LUZP2: variants seen among roughly 807,000 people sequenced by gnomAD.
The protein encoded by LUZP2 is leucine zipper protein 2.
Under a neutral mutation model 51.6 loss-of-function variants are expected in LUZP2, and 52 were observed. The ratio of observed to expected loss-of-function variants is 1.01; its 90% CI spans 0.81 to 1.27. LUZP2 has a LOEUF of 1.27. Ranked by LOEUF, LUZP2 falls within the 50% of genes most tolerant of loss-of-function variation. The pLI is 0.00. For missense variants in LUZP2, 436 were observed against 395.4 expected (o/e 1.10, Z -0.87); for synonymous variants, 154 against 137.3 (o/e 1.12, Z -0.85).
rs557575353 is a variant in LUZP2, at chr11:24,519,602, G to A, written c.62+22297G>A. ...TGAAAAGTCCTTGGGAAAGGGTTTC[G>A]CCTTTCATCCAGGATACAGCTTCAG... On this transcript the variant is annotated intron_variant, in intron 1 of 11. Coordinates refer to ENST00000336930, the MANE Select transcript of LUZP2 (RefSeq NM_001009909.4). Among the ~76,000 whole-genome samples the A allele has an allele frequency of 5.5e-4, 83 of 152,210 alleles. 1 individual carries two copies. Among genetic ancestry groups the A allele is most frequent in the African/African-American group, 1.7e-3 (71 of 41,534 alleles).
At chr11:24,529,753 A>G (rs1215578936) in intron 1 of LUZP2, among the ~76,000 whole-genome samples, 1 of 151,086 alleles carries the variant, frequency 6.6e-6, no homozygotes, top group Non-Finnish European at 1.5e-5. Flanking sequence ...AGCCTATAAT[A>G]CAAAATTAGA....
intron 5 of LUZP2, among the ~76,000 whole-genome samples, chr11:24,792,603 A>T (rs538315086): frequency 2.6e-5 from 4 of 152,290 alleles, no homozygotes; most frequent in African/African-American, 9.6e-5. Context: ...AATGTAATGA[A>T]GTTCATTGAA....
At chr11:24,899,216 A>G (rs912203420) in intron 5 of LUZP2, among the ~76,000 whole-genome samples, 1 of 152,028 alleles carries the variant, frequency 6.6e-6, no homozygotes, top group Non-Finnish European at 1.5e-5. Context: ...GTCTTTTATA[A>G]TTTTATAATG....
chr11:24,998,106 C>T (rs535967103), intron 9 of LUZP2, among the ~76,000 whole-genome samples: 1 of 152,078 alleles, frequency 6.6e-6, no homozygotes, highest in East Asian at 1.9e-4. Flanking sequence ...GATGCGGGCT[C>T]TGTTTCGGTT....
At chr11:24,613,225 C>T (rs1854177482) in intron 1 of LUZP2, among the ~76,000 whole-genome samples, 1 of 152,050 alleles carries the variant, frequency 6.6e-6, no homozygotes. Context: ...TGAATTCTAT[C>T]TGACATAGAG....
At chr11:24,736,286 A>T (rs1858934035) in intron 3 of LUZP2, among the ~76,000 whole-genome samples, 1 of 151,988 alleles carries the variant, frequency 6.6e-6, no homozygotes, top group Admixed American at 6.6e-5. Context: ...ATACTTTATT[A>T]TTTAATTTTT....
chr11:24,595,649 CA>C (rs1217018842), intron 1 of LUZP2, among the ~76,000 whole-genome samples: 5 of 152,128 alleles, frequency 3.3e-5, no homozygotes, highest in Non-Finnish European at 7.4e-5. Flanking sequence ...TAGCCAGTTA[CA>C]AAAGCAAGAT....
intron 4 of LUZP2, among the ~76,000 whole-genome samples, chr11:24,743,432 T>C (rs1469670549): frequency 1.3e-5 from 2 of 152,048 alleles, no homozygotes; most frequent in Non-Finnish European, 2.9e-5. Flanking sequence ...TTCCTAAGTA[T>C]TTTACTTTTT....
At chr11:24,934,533 C>T (rs1854539344) in intron 7 of LUZP2, among the ~76,000 whole-genome samples, 1 of 151,954 alleles carries the variant, frequency 6.6e-6, no homozygotes, top group Admixed American at 6.6e-5. Flanking sequence ...ACTTTAATAA[C>T]ATACTTAAAT....
At chr11:24,752,732 A>G (rs1859638378) in intron 4 of LUZP2, among the ~76,000 whole-genome samples, 2 of 152,170 alleles carry the variant, frequency 1.3e-5, no homozygotes, top group Admixed American at 1.3e-4. Flanking sequence ...TAAAAAAATA[A>G]GATGGAAAAA....
intron 4 of LUZP2, among the ~76,000 whole-genome samples, chr11:24,749,341 A>C (rs1006430639): frequency 1.3e-5 from 2 of 152,150 alleles, no homozygotes; most frequent in Admixed American, 1.3e-4. Context: ...TTGTTTTCCC[A>C]CTAGGAGCCT....
intron 1 of LUZP2, among the ~76,000 whole-genome samples, chr11:24,538,259 A>C (rs992208687): frequency 4.3e-4 from 66 of 152,018 alleles, no homozygotes; most frequent in African/African-American, 1.5e-3. Flanking sequence ...CTAGATATAC[A>C]CCTGTAAAAG....
chr11:24,570,200 G>T (rs1417178070), intron 1 of LUZP2, among the ~76,000 whole-genome samples: 3 of 152,010 alleles, frequency 2.0e-5, no homozygotes, highest in African/African-American at 7.2e-5. Context: ...CGAGAAGACG[G>T]TGATGGTACA....
chr11:24,616,064 G>T (rs1173729262), intron 1 of LUZP2, among the ~76,000 whole-genome samples: 1 of 149,808 alleles, frequency 6.7e-6, no homozygotes, highest in Admixed American at 6.7e-5. Context: ...ATATACTCTT[G>T]GTACAAGTCC....
intron 5 of LUZP2, among the ~76,000 whole-genome samples, chr11:24,856,398 A>G (rs1031270104): frequency 6.6e-6 from 1 of 152,188 alleles, no homozygotes; most frequent in Non-Finnish European, 1.5e-5. Flanking sequence ...ATCTCATGCC[A>G]GTCAGAATGG....
intron 7 of LUZP2, among the ~76,000 whole-genome samples, chr11:24,932,727 C>A (rs1344147803): frequency 3.4e-4 from 52 of 152,130 alleles, no homozygotes; most frequent in Non-Finnish European, 4.4e-5. Context: ...CTACTGGCCT[C>A]CCCACTGAAA....
chr11:24,708,077 G>A (rs1326798122), intron 1 of LUZP2, among the ~76,000 whole-genome samples: 3 of 152,118 alleles, frequency 2.0e-5, no homozygotes, highest in African/African-American at 7.2e-5. Context: ...TGGAATGAGG[G>A]TGGAGCAGGT....
At chr11:24,999,763 CTTAT>C (rs1856625037) in intron 9 of LUZP2, among the ~76,000 whole-genome samples, 1 of 152,116 alleles carries the variant, frequency 6.6e-6, no homozygotes. Flanking sequence ...TTAATTAAGT[CTTAT>C]TGTGTCCGGA....
At chr11:24,890,445 TAAAC>T (rs1462296688) in intron 5 of LUZP2, among the ~76,000 whole-genome samples, 2 of 152,198 alleles carry the variant, frequency 1.3e-5, no homozygotes, top group Non-Finnish European at 2.9e-5. Context: ...TGCAATCTCT[TAAAC>T]AAGTGGAATC....
Sources: gnomAD v4.1 joint callset for allele counts (sites outside exome capture counted in the v4.1 genomes callset) on GRCh38, gnomAD v4.1.1 for gene constraint, MANE v1.5 for transcripts, NCBI Gene and HGNC (gene_info 2026-07-23, HGNC 2026-07-21) for gene names.